DNAAF3: variants seen among roughly 807,000 people sequenced by gnomAD.
DNAAF3 encodes UPF0470 protein C19orf51.
DNAAF3 carries 40 observed loss-of-function variants against 50.9 expected under a neutral mutation model. The observed-to-expected ratio is 0.79, with a 90% CI of 0.61 to 1.02. DNAAF3 has a LOEUF of 1.02. DNAAF3 is among the 50% of genes least tolerant of loss of function. DNAAF3 has a pLI of 0.00. For synonymous variants in DNAAF3, 327 were observed against 322.8 expected (o/e 1.01, Z -0.14); for missense variants, 763 against 744.7 (o/e 1.02, Z -0.29).
rs956197756 is a variant in DNAAF3, at chr19:55,161,168, G to A, written c.809C>T (p.Ala270Val). ...LLSYRGERVAARGYWGDIATG... is the reference protein window; with the variant it reads ...LLSYRGERVAVRGYWGDIATG... ...GGCGATGTCCCCCCAGTACCCGCGC[G>A]CTGCCACGCGCTCCCCACGCTGGAA... is the stretch of plus-strand genomic sequence containing the variant. Residue 270 changes from alanine to valine, a missense_variant, in exon 8 of 12, where the codon GCG becomes GTG. Coordinates refer to ENST00000524407, the MANE Select transcript of DNAAF3 (RefSeq NM_001256715.2). The surrounding 1 kb of genome is among the most constrained non-coding windows in gnomAD (Gnocchi z 6.4). 4.5e-6 allele frequency: 7 copies of A among 1,563,740 alleles called. No individual in the cohort carries two copies. The African/African-American group carries it at 5.5e-5, about 12-fold the overall frequency.
At chr19:55,163,607 A>G (rs2147304322) in intron 4 of DNAAF3, among the ~76,000 whole-genome samples, 1 of 152,314 alleles carries the variant, frequency 6.6e-6, no homozygotes, top group Non-Finnish European at 1.5e-5. Flanking sequence ...ATACAATTTT[A>G]TAAGGGACTT....
In DNAAF3 at chr19:55,166,007, A is replaced by G; in HGVS notation, c.86-7T>C. On this transcript the variant is annotated splice_polypyrimidine_tract_variant and splice_region_variant and intron_variant, in intron 2 of 11. Transcript: ENST00000524407. The surrounding 1 kb of genome is among the most constrained non-coding windows in gnomAD (Gnocchi z 4.0). Reference sequence around the variant, plus strand: ...TCTGGGTCCACAGGAGGACCTGGCAAGATGACAGCTGGCTGGGGCACCATG... The same window carrying G: ...TCTGGGTCCACAGGAGGACCTGGCAGGATGACAGCTGGCTGGGGCACCATG... The G allele has an allele frequency of 6.2e-7, 1 of 1,614,242 alleles. No individual in the cohort carries two copies.
Position 55,165,915 on chromosome 19 carries a change from T to TA in DNAAF3, c.170_171insT (p.Arg58ThrfsTer26). On this transcript the variant is annotated frameshift_variant, in exon 3 of 12. Coordinates refer to ENST00000524407, the MANE Select transcript of DNAAF3 (RefSeq NM_001256715.2). LOFTEE classifies it high-confidence loss of function. The stretch of plus-strand genomic sequence containing the variant: ...GGGACAGGGTCCGCAGCAGGTGCCG[T>TA]CCATCCACAGAGCCCAGAAGCAGCA... The TA allele has an allele frequency of 1.2e-6, 2 of 1,614,160 alleles. No individual in the cohort carries two copies. Among genetic ancestry groups the TA allele is most frequent in the South Asian group, 2.2e-5 (2 of 91,080 alleles).
chr19:55,158,955 T>C lies in DNAAF3; in HGVS notation c.*107A>G. 2.3e-6 allele frequency: 3 copies of C among 1,311,020 alleles called. No homozygotes were observed. Among genetic ancestry groups the C allele is most frequent in the Non-Finnish European group, 3.1e-6 (3 of 966,274 alleles). 81.2% of individuals were successfully genotyped at this position (1,311,020 alleles called of 1,614,324 possible). A position where few individuals can be genotyped will look rare whatever the true frequency, so the allele number is the denominator to read the frequency against. ...GTGGCGGGTACTGAGTGGGAATGAT[T>C]AGAATAAAATTGAGGACTCTAGCAG... On this transcript the variant is annotated 3_prime_UTR_variant, in exon 12 of 12. Coordinates refer to ENST00000524407, the MANE Select transcript of DNAAF3 (RefSeq NM_001256715.2).
chr19:55,158,927 GGGGTGGC>G lies in DNAAF3; in HGVS notation c.*128_*134del. ...AAAGTCTACCAACACTCCCGGGGTG[GGGGTGGC>G]GGGTACTGAGTGGGAATGATTAGAA... On this transcript the variant is annotated 3_prime_UTR_variant, in exon 12 of 12. Coordinates refer to ENST00000524407, the MANE Select transcript of DNAAF3 (RefSeq NM_001256715.2). 1 of 922,104 alleles carries G rather than the reference GGGGTGGC, an allele frequency of 1.1e-6. No homozygotes were observed. Among genetic ancestry groups the G allele is most frequent in the Non-Finnish European group, 1.6e-6 (1 of 632,232 alleles). 57.1% of individuals were successfully genotyped at this position (922,104 alleles called of 1,614,324 possible).
chr19:55,161,919 G>A lies in DNAAF3; in HGVS notation c.481-94C>T. The stretch of plus-strand genomic sequence containing the variant: ...GACCCTCTCTTCCATCCCAGAACAG[G>A]GGAACGATTCCCCCGTTTCTCGGAT... On this transcript the variant is annotated intron_variant, in intron 5 of 11. Coordinates refer to ENST00000524407, the MANE Select transcript of DNAAF3 (RefSeq NM_001256715.2). The surrounding 1 kb of genome is among the most constrained non-coding windows in gnomAD (Gnocchi z 6.4). 7.5e-7 allele frequency: 1 copy of A among 1,328,812 alleles called. No homozygotes were observed. Among genetic ancestry groups the A allele is most frequent in the Non-Finnish European group, 9.6e-7 (1 of 1,039,288 alleles). 82.3% of individuals were successfully genotyped at this position (1,328,812 alleles called of 1,614,324 possible). A position where few individuals can be genotyped will look rare whatever the true frequency, so the allele number is the denominator to read the frequency against.
chr19:55,165,746 C>T (rs1293565531), intron 3 of DNAAF3, 112 bp downstream of exon 3: 1 of 1,513,348 alleles, frequency 6.6e-7, no homozygotes. Flanking sequence ...CTGCCTCCCT[C>T]AGATCTAGGA....
In DNAAF3 at chr19:55,165,359, T is replaced by C; in HGVS notation, c.322+11A>G. On this transcript the variant is annotated intron_variant, in intron 4 of 11. Transcript: ENST00000524407. ...ACCAGCGGTCAGAATGCCTGGGTCC[T>C]AGCAACAGACCTTGCAGCCCCATCT... The C allele has an allele frequency of 1.2e-6, 2 of 1,613,736 alleles. No homozygotes were observed. Among genetic ancestry groups the C allele is most frequent in the Non-Finnish European group, 1.7e-6 (2 of 1,179,624 alleles).
intron 4 of DNAAF3, 43 bp from the exon 5 acceptor site, chr19:55,162,333 G>A: frequency 1.6e-6 from 2 of 1,248,404 alleles, no homozygotes; most frequent in Non-Finnish European, 2.0e-6. Context: ...GTGGAGGAGG[G>A]AGCCCAGAAA....
intron 4 of DNAAF3, among the ~76,000 whole-genome samples, chr19:55,164,812 T>C (rs1311484863): frequency 6.6e-6 from 1 of 151,920 alleles, no homozygotes; most frequent in Non-Finnish European, 1.5e-5. Context: ...TGTGAACCAC[T>C]GCACCCAGCC....
intron 4 of DNAAF3, among the ~76,000 whole-genome samples, chr19:55,165,000 T>C (rs1484849324): frequency 1.3e-5 from 2 of 151,636 alleles, no homozygotes; most frequent in African/African-American, 4.8e-5. Flanking sequence ...CATTTTTGGT[T>C]TTTAGATGGA....
Position 55,161,557 on chromosome 19 carries a change from T to C in DNAAF3, c.663+86A>G. On this transcript the variant is annotated intron_variant, in intron 6 of 11. Transcript: ENST00000524407. The surrounding 1 kb of genome is among the most constrained non-coding windows in gnomAD (Gnocchi z 6.4). Reference sequence around the variant, plus strand: ...CCCAGGAGTTCAGGCCCCCAAACCCTCCTCCCTCAGACTCAGGAGGCCCCC... The same window carrying C: ...CCCAGGAGTTCAGGCCCCCAAACCCCCCTCCCTCAGACTCAGGAGGCCCCC... The C allele has an allele frequency of 6.8e-7, 1 of 1,461,442 alleles. No individual in the cohort carries two copies. The highest frequency in any genetic ancestry group is 2.5e-5 in the East Asian group (1 of 40,388). The allele number at this position is 1,461,442 out of a possible 1,614,324, so 90.5% of individuals were successfully genotyped here. A position where few individuals can be genotyped will look rare whatever the true frequency, so the allele number is the denominator to read the frequency against.
In DNAAF3 at chr19:55,160,677, C is replaced by CT. The variant is rs2085806547; in HGVS notation, c.1010dup (p.Gln338AlafsTer59). 1 of 1,613,816 alleles carries CT rather than the reference C, an allele frequency of 6.2e-7. No homozygotes were observed. The highest frequency in any genetic ancestry group is 1.1e-5 in the South Asian group (1 of 91,094). On this transcript the variant is annotated frameshift_variant, in exon 9 of 12. Coordinates refer to ENST00000524407, the MANE Select transcript of DNAAF3 (RefSeq NM_001256715.2). LOFTEE classifies it high-confidence loss of function. This position sits in a 1 kb window ranked among gnomAD's most constrained non-coding sequence, Gnocchi z 4.7. Reference sequence around the variant, plus strand: ...GCTCCGGGCTTCCCTCCGCGTGCTGCTGCTCCTCCAGGTCCCCCCCGGTGG... The same window carrying CT: ...GCTCCGGGCTTCCCTCCGCGTGCTGCTTGCTCCTCCAGGTCCCCCCCGGTGG...
Position 55,161,893 on chromosome 19 carries a change from T to G in DNAAF3, c.481-68A>C. 2.2e-6 allele frequency: 3 copies of G among 1,370,516 alleles called. No individual in the cohort carries two copies. Among genetic ancestry groups the G allele is most frequent in the Non-Finnish European group, 2.8e-6 (3 of 1,063,364 alleles). The allele number at this position is 1,370,516 out of a possible 1,614,324, so 84.9% of individuals were successfully genotyped here. On this transcript the variant is annotated intron_variant, in intron 5 of 11. Coordinates refer to ENST00000524407, the MANE Select transcript of DNAAF3 (RefSeq NM_001256715.2). This position sits in a 1 kb window ranked among gnomAD's most constrained non-coding sequence, Gnocchi z 6.4. The stretch of plus-strand genomic sequence containing the variant: ...GGATGCAGGGAGAGCGGATTCTAAT[T>G]GACCCTCTCTTCCATCCCAGAACAG...
upstream of DNAAF3, chr19:55,166,666 C>A (rs1271583116): frequency 1.9e-6 from 3 of 1,605,436 alleles, no homozygotes; most frequent in East Asian, 2.2e-5. The surrounding 1 kb of genome is among the most constrained non-coding windows in gnomAD (Gnocchi z 4.0). Flanking sequence ...GGGACCACAG[C>A]GAGCAACTGA....
Position 55,166,121 on chromosome 19 carries a change from G to T in DNAAF3, c.86-121C>A. The T allele has an allele frequency of 6.4e-7, 1 of 1,573,550 alleles. No individual in the cohort carries two copies. Among genetic ancestry groups the T allele is most frequent in the South Asian group, 1.2e-5 (1 of 86,800 alleles). On this transcript the variant is annotated intron_variant, in intron 2 of 11. Coordinates refer to ENST00000524407, the MANE Select transcript of DNAAF3 (RefSeq NM_001256715.2). The surrounding 1 kb of genome is among the most constrained non-coding windows in gnomAD (Gnocchi z 4.0). ...GTTCCGCCCGTGGCCTAGGTTCTAA[G>T]GGGAGGTGTTTCCTCTGAGTATTCT... is the stretch of plus-strand genomic sequence containing the variant.
In DNAAF3 at chr19:55,161,208, G is replaced by A. The variant is rs1348609236; in HGVS notation, c.790-21C>T. 1.3e-6 allele frequency: 2 copies of A among 1,583,914 alleles called. No homozygotes were observed. Among genetic ancestry groups the A allele is most frequent in the African/African-American group, 1.3e-5 (1 of 74,198 alleles). The stretch of plus-strand genomic sequence containing the variant: ...CCACGCTGGAAAAGGAGGGAGAGAG[G>A]AGGCAGGTGAGGTCGATGTTGGGGC... On this transcript the variant is annotated intron_variant, in intron 7 of 11. Coordinates refer to ENST00000524407, the MANE Select transcript of DNAAF3 (RefSeq NM_001256715.2). The surrounding 1 kb of genome is among the most constrained non-coding windows in gnomAD (Gnocchi z 6.4).
chr19:55,162,398 C>T, intron 4 of DNAAF3, 108 bp from the exon 5 acceptor site: 1 of 1,173,102 alleles, frequency 8.5e-7, no homozygotes. Flanking sequence ...CAATGAACCC[C>T]CGCAAACTCC....
At position 55,162,198 on chromosome 19, in the gene DNAAF3, G is replaced by A; in HGVS notation, c.415C>T (p.His139Tyr). The A allele has an allele frequency of 8.0e-7, 1 of 1,253,640 alleles. No homozygotes were observed. The highest frequency in any genetic ancestry group is 4.1e-5 in the Admixed American group (1 of 24,330). The allele number at this position is 1,253,640 out of a possible 1,614,324, so 77.7% of individuals were successfully genotyped here. A position where few individuals can be genotyped will look rare whatever the true frequency, so the allele number is the denominator to read the frequency against. The change falls in exon 5 of 12, where the codon CAC (histidine) becomes TAC (tyrosine). Residue 139 changes from histidine to tyrosine, a missense_variant. Transcript: ENST00000524407. Reference protein sequence around the residue: ...FVRAQADLLAHLVPEPDRLEE... With the variant: ...FVRAQADLLAYLVPEPDRLEE... ...AGGCGGTCGGGCTCGGGGACCAGGT[G>A]CGCCAGCAGGTCGGCCTGGGCACGC...
Sources: allele counts gnomAD v4.1 joint callset (sites outside exome capture counted in the v4.1 genomes callset), GRCh38; gene constraint gnomAD v4.1.1; non-coding constraint Gnocchi (gnomAD v3.1); transcripts MANE v1.5; gene names NCBI Gene and HGNC (gene_info 2026-07-23, HGNC 2026-07-21).